MS4A6A: variants seen among roughly 807,000 people sequenced by gnomAD.
MS4A6A encodes membrane-spanning 4-domains subfamily A member 6A.
MS4A6A carries 19 observed loss-of-function variants against 20.6 expected under a neutral mutation model. The observed-to-expected ratio is 0.92, with a 90% CI of 0.64 to 1.36. The LOEUF (loss-of-function observed/expected upper bound fraction) is 1.36, where lower values mean the gene tolerates loss of function less well. Among genes scored for constraint, MS4A6A ranks in the 40% most tolerant of loss-of-function variants. The pLI, the probability that MS4A6A is intolerant of heterozygous loss-of-function variation, is 0.00. For missense variants in MS4A6A, 272 were observed against 261.1 expected, an observed-to-expected ratio of 1.04 and a Z score of -0.29; for synonymous variants, 108 against 105.0, an observed-to-expected ratio of 1.03 and a Z score of -0.17.
Position 60,172,992 on chromosome 11 carries a change from T to C in MS4A6A, c.*9A>G, listed in dbSNP as rs981883309. The C allele has an allele frequency of 6.8e-6, 11 of 1,613,660 alleles. No individual in the cohort carries two copies. The highest frequency in any genetic ancestry group is 9.3e-6 in the Non-Finnish European group (11 of 1,179,794). On this transcript the variant is annotated 3_prime_UTR_variant, in exon 6 of 6. Transcript: ENST00000528851. Reference sequence around the variant, plus strand: ...AACACAGTGCAGGGATAAGATACACTAGGCAAGGTTAAGTGAAGCCGGCCA... The same window carrying C: ...AACACAGTGCAGGGATAAGATACACCAGGCAAGGTTAAGTGAAGCCGGCCA...
rs1590661998 is a variant in MS4A6A, at chr11:60,172,511, A to C, written c.*490T>G. ...GTCCATAGGGGTTTGATTCAACAAT[A>C]CATTTTTAATATAGCTTTAAAAAGG... is the stretch of plus-strand genomic sequence containing the variant. On this transcript the variant is annotated 3_prime_UTR_variant, in exon 6 of 6. Transcript: ENST00000528851. 1.7e-6 allele frequency: 2 copies of C among 1,189,306 alleles called. No individual in the cohort carries two copies. Among genetic ancestry groups the C allele is most frequent in the East Asian group, 8.1e-5 (2 of 24,816 alleles). The allele number at this position is 1,189,306 out of a possible 1,614,324, so 73.7% of individuals were successfully genotyped here.
Position 60,172,711 on chromosome 11 carries a change from G to T in MS4A6A, c.*290C>A. 3 of 1,220,594 alleles carry T rather than the reference G, an allele frequency of 2.5e-6. No individual in the cohort carries two copies. 75.6% of individuals were successfully genotyped at this position (1,220,594 alleles called of 1,614,324 possible). On this transcript the variant is annotated 3_prime_UTR_variant, in exon 6 of 6. Transcript: ENST00000528851. ...GCCAGGTTCTAGTGTCCTCAGCAAA[G>T]GCACAAACTCATAGCATAATGCCAG...
At chr11:60,184,226 C>T (rs1005294397), upstream of MS4A6A, 1 of 152,226 alleles carries the variant, frequency 6.6e-6, no homozygotes, top group Non-Finnish European at 1.5e-5. Flanking sequence ...ATGTAATTGG[C>T]TTGTCTTAAG....
chr11:60,176,220 G>A (rs1856829984), intron 4 of MS4A6A, among the ~76,000 whole-genome samples: 1 of 152,184 alleles, frequency 6.6e-6, no homozygotes, highest in South Asian at 2.1e-4. Context: ...CATATGATTG[G>A]CCACACTGAG....
intron 3 of MS4A6A, chr11:60,179,367 T>C (rs1590678359): frequency 3.1e-6 from 1 of 321,840 alleles, no homozygotes; most frequent in Non-Finnish European, 5.7e-6. Context: ...AATCAGTCAA[T>C]GCAGTAAAAG....
In MS4A6A at chr11:60,172,845, C is replaced by T; in HGVS notation, c.*156G>A. The T allele has an allele frequency of 2.1e-6, 3 of 1,436,800 alleles. No individual in the cohort carries two copies. The highest frequency in any genetic ancestry group is 2.7e-6 in the Non-Finnish European group (3 of 1,092,792). The allele number at this position is 1,436,800 out of a possible 1,614,324, so 89.0% of individuals were successfully genotyped here. On this transcript the variant is annotated 3_prime_UTR_variant, in exon 6 of 6. Transcript: ENST00000528851. ...ATTTTCATATCCAGTGAATTTTCAG[C>T]TTATCAGCTACTCAATTGCCATCTG...
chr11:60,181,585 A>G lies in MS4A6A; in HGVS notation c.143T>C (p.Ile48Thr), dbSNP rs61742546. Residue 48 changes from isoleucine to threonine, a missense_variant, in exon 2 of 6, where the codon ATT becomes ACT. Transcript: ENST00000528851. Reference protein sequence around the residue: ...KKHLHAEIKVIGTIQILCGMM... With the variant: ...KKHLHAEIKVTGTIQILCGMM... ...CACGTTCTGAATTAGATTTACCCCA[A>G]TAACTTTGATTTCTGCGTGTAGATG... 36,160 of 1,613,918 alleles carry G rather than the reference A, an allele frequency of 0.022. 496 individuals are homozygous for G. Among genetic ancestry groups the G allele is most frequent in the Non-Finnish European group, 0.027 (32,391 of 1,179,914 alleles).
intron 5 of MS4A6A, among the ~76,000 whole-genome samples, chr11:60,174,102 A>G (rs957911428): frequency 1.1e-4 from 16 of 152,200 alleles, no homozygotes; most frequent in Non-Finnish European, 1.9e-4. Flanking sequence ...CCAAGGTGGA[A>G]TTGGCTGTGC....
chr11:60,181,663 G>C lies in MS4A6A; in HGVS notation c.65C>G (p.Ser22Cys). The change falls in exon 2 of 6, where the codon TCC becomes TGC. Residue 22 changes from serine to cysteine, a missense_variant. By Grantham distance (112) the Ser-to-Cys change is moderately radical. Coordinates refer to ENST00000528851, the MANE Select transcript of MS4A6A (RefSeq NM_022349.4). ...IVLPSNVINF[S>C]QAEKPEPTNQ... is the part of the protein sequence containing the mutation. Reference sequence around the variant, plus strand: ...GGTGGGTTCGGGTTTCTCTGCTTGGGAGAAGTTGATGACATTTGATGGGAG... The same window carrying C: ...GGTGGGTTCGGGTTTCTCTGCTTGGCAGAAGTTGATGACATTTGATGGGAG... 1 of 1,614,136 alleles carries C rather than the reference G, an allele frequency of 6.2e-7. No homozygotes were observed. The highest frequency in any genetic ancestry group is 8.5e-7 in the Non-Finnish European group (1 of 1,179,998).
chr11:60,179,490 C>CT (rs796130469), intron 3 of MS4A6A: 38,199 of 446,616 alleles, frequency 0.086, 10 homozygotes, highest in Middle Eastern at 0.11. Context: ...CATTTATGCT[C>CT]TTTTTTTTTT....
Position 60,172,876 on chromosome 11 carries a change from C to T in MS4A6A, c.*125G>A. On this transcript the variant is annotated 3_prime_UTR_variant, in exon 6 of 6. Transcript: ENST00000528851. ...AGCTACTCAATTGCCATCTGCTTTT[C>T]TTCTCTGTCTTCCATCACAATGCAA... 1.3e-6 allele frequency: 2 copies of T among 1,511,722 alleles called. No individual in the cohort carries two copies. The allele number at this position is 1,511,722 out of a possible 1,614,324, so 93.6% of individuals were successfully genotyped here. A position where few individuals can be genotyped will look rare whatever the true frequency, so the allele number is the denominator to read the frequency against.
chr11:60,179,692 C>A (rs543124458), intron 3 of MS4A6A, 139 bp downstream of exon 3: 2 of 946,178 alleles, frequency 2.1e-6, no homozygotes, highest in East Asian at 2.4e-5. Context: ...TCATCCTACC[C>A]GACAGGAGAA....
chr11:60,174,258 A>C (rs1856724809), intron 5 of MS4A6A, among the ~76,000 whole-genome samples: 1 of 152,138 alleles, frequency 6.6e-6, no homozygotes, highest in African/African-American at 2.4e-5. Flanking sequence ...TCCATCTTCC[A>C]GCTGAGTTCT....
In MS4A6A at chr11:60,179,693, G is replaced by C. The variant is rs778465194; in HGVS notation, c.282+138C>G. On this transcript the variant is annotated intron_variant, in intron 3 of 5. Coordinates refer to ENST00000528851, the MANE Select transcript of MS4A6A (RefSeq NM_022349.4). ...TCAAGCAACCCCTGTCATCCTACCC[G>C]ACAGGAGAACAAGATTCACCGTTGA... The C allele has an allele frequency of 2.9e-5, 28 of 959,858 alleles. No homozygotes were observed. The South Asian group carries it at 3.4e-4, about 12-fold the overall frequency. 59.5% of individuals were successfully genotyped at this position (959,858 alleles called of 1,614,324 possible).
intron 4 of MS4A6A, among the ~76,000 whole-genome samples, chr11:60,176,232 G>T (rs1034412195): frequency 3.9e-5 from 6 of 152,160 alleles, no homozygotes; most frequent in Non-Finnish European, 8.8e-5. Flanking sequence ...CACACTGAGT[G>T]CAGTATGGGG....
rs1856628605 is a variant in MS4A6A at position 60,172,499 on chromosome 11, T to A, written c.*502A>T. 1.7e-6 allele frequency: 2 copies of A among 1,212,090 alleles called. No homozygotes were observed. Among genetic ancestry groups the A allele is most frequent in the Non-Finnish European group, 2.1e-6 (2 of 972,342 alleles). The allele number at this position is 1,212,090 out of a possible 1,614,324, so 75.1% of individuals were successfully genotyped here. A position where few individuals can be genotyped will look rare whatever the true frequency, so the allele number is the denominator to read the frequency against. ...ATAAAGCCATAAGTCCATAGGGGTT[T>A]GATTCAACAATACATTTTTAATATA... is the stretch of plus-strand genomic sequence containing the variant. On this transcript the variant is annotated 3_prime_UTR_variant, in exon 6 of 6. Transcript: ENST00000528851.
chr11:60,181,494 C>T, intron 2 of MS4A6A, 87 bp downstream of exon 2: 1 of 1,548,816 alleles, frequency 6.5e-7, no homozygotes, highest in Non-Finnish European at 8.8e-7. Context: ...GGTCTCCACA[C>T]TCACGACAGA....
chr11:60,180,972 C>T, intron 2 of MS4A6A: 1 of 439,524 alleles, frequency 2.3e-6, no homozygotes, highest in East Asian at 7.0e-5. Flanking sequence ...CAGAGTGCCT[C>T]ACCTCAGATC....
chr11:60,179,719 C>G (rs1225205959), intron 3 of MS4A6A, 112 bp downstream of exon 3: 5 of 1,249,192 alleles, frequency 4.0e-6, no homozygotes. Context: ...TCACCGTTGA[C>G]TCCTTGCTCC....
Sources: allele counts gnomAD v4.1 joint callset (sites outside exome capture counted in the v4.1 genomes callset), GRCh38; gene constraint gnomAD v4.1.1; transcripts MANE v1.5; gene names NCBI Gene and HGNC (gene_info 2026-07-23, HGNC 2026-07-21).